ETV6: variants seen among roughly 807,000 people sequenced by gnomAD.
The protein encoded by ETV6 is transcription factor ETV6.
A neutral mutation model predicts 51.1 loss-of-function variants in ETV6; 16 were observed. The observed-to-expected ratio is 0.31, with a 90% confidence interval of 0.21 to 0.48. The LOEUF is 0.48. ETV6 is among the 20% of genes least tolerant of loss of function. The pLI is 0.99. For synonymous variants in ETV6, 240 were observed against 224.1 expected (o/e 1.07, Z -0.64); for missense variants, 458 against 594.8 (o/e 0.77, Z 2.39).
intron 1 of ETV6, among the ~76,000 whole-genome samples, chr12:11,751,113 C>T (rs925299242): frequency 2.0e-5 from 3 of 152,034 alleles, no homozygotes; most frequent in Admixed American, 6.6e-5. Context: ...CAATTCCATT[C>T]GGAAATTATA....
Position 11,895,300 on chromosome 12 carries a change from C to A in ETV6, c.*4254C>A, listed in dbSNP as rs1194785945. ...AATGTAACAAAAAAGAAAAAAAAAA[C>A]AAAAAAAAATGCCTTTTCTCAGGGC... is the stretch of plus-strand genomic sequence containing the variant. On this transcript the variant is annotated 3_prime_UTR_variant, in exon 8 of 8. Transcript: ENST00000396373. 1.2e-3 allele frequency: 226 copies of A among 181,024 alleles called. No individual in the cohort carries two copies. The highest frequency in any genetic ancestry group is 8.5e-4 in the Non-Finnish European group (77 of 90,754). The allele number at this position is 181,024 out of a possible 1,614,324, so 11.2% of individuals were successfully genotyped here. A position where few individuals can be genotyped will look rare whatever the true frequency, so the allele number is the denominator to read the frequency against.
At chr12:11,658,920 C>T (rs960588097) in intron 1 of ETV6, among the ~76,000 whole-genome samples, 1 of 152,220 alleles carries the variant, frequency 6.6e-6, no homozygotes, top group Non-Finnish European at 1.5e-5. Flanking sequence ...TATTACTCAG[C>T]GCTCAAGTAT....
intron 2 of ETV6, among the ~76,000 whole-genome samples, chr12:11,806,010 G>C (rs1945824694): frequency 6.6e-6 from 1 of 152,168 alleles, no homozygotes; most frequent in Non-Finnish European, 1.5e-5. Context: ...TACCTTGTCA[G>C]GTACTTTTTT....
At chr12:11,656,590 A>G (rs1368340342) in intron 1 of ETV6, among the ~76,000 whole-genome samples, 3 of 152,188 alleles carry the variant, frequency 2.0e-5, no homozygotes, top group Non-Finnish European at 4.4e-5. Flanking sequence ...TATTTACCCC[A>G]GTCTCTAATG....
intron 3 of ETV6, among the ~76,000 whole-genome samples, chr12:11,844,759 CAAA>C (rs527793372): frequency 5.6e-5 from 5 of 88,522 alleles, no homozygotes; most frequent in Admixed American, 1.2e-4. Context: ...TTGAGCAAGC[CAAA>C]AAAAAAAAAA....
intron 1 of ETV6, among the ~76,000 whole-genome samples, chr12:11,666,297 A>C (rs1191810815): frequency 6.6e-6 from 1 of 152,002 alleles, no homozygotes; most frequent in Non-Finnish European, 1.5e-5. Context: ...TGTACAGCCC[A>C]TGTTCTCTCC....
intron 2 of ETV6, among the ~76,000 whole-genome samples, chr12:11,781,614 G>A (rs1041118117): frequency 3.9e-5 from 6 of 152,188 alleles, no homozygotes; most frequent in African/African-American, 1.4e-4. Flanking sequence ...GCAACAAAAG[G>A]TTATGTTAGC....
chr12:11,867,376 T>A (rs1021729776), intron 4 of ETV6, among the ~76,000 whole-genome samples: 1 of 152,184 alleles, frequency 6.6e-6, no homozygotes, highest in South Asian at 2.1e-4. Flanking sequence ...TAGTACTCCA[T>A]TTTTTAGAGA....
intron 2 of ETV6, among the ~76,000 whole-genome samples, chr12:11,830,553 G>T (rs947521143): frequency 2.0e-4 from 31 of 152,204 alleles, no homozygotes; most frequent in Non-Finnish European, 5.9e-5. Flanking sequence ...TGAGTGTCCT[G>T]ACCATCAAAG....
intron 2 of ETV6, among the ~76,000 whole-genome samples, chr12:11,815,130 A>G (rs1166497747): frequency 6.6e-6 from 1 of 152,150 alleles, no homozygotes; most frequent in East Asian, 1.9e-4. Flanking sequence ...GGACTTAGTG[A>G]TGTTTTATAG....
chr12:11,783,155 A>C (rs988715317), intron 2 of ETV6, among the ~76,000 whole-genome samples: 1 of 152,180 alleles, frequency 6.6e-6, no homozygotes, highest in African/African-American at 2.4e-5. Flanking sequence ...GATGGGAAGC[A>C]GAAAAGACAA....
At chr12:11,692,762 C>T (rs907196316) in intron 1 of ETV6, among the ~76,000 whole-genome samples, 13 of 152,082 alleles carry the variant, frequency 8.5e-5, no homozygotes, top group African/African-American at 3.1e-4. Flanking sequence ...ATTTAGAATG[C>T]GTTATGAGGC....
chr12:11,891,074 C>CG lies in ETV6; in HGVS notation c.*28_*29insG. ...GAACCAACAGTCCACCTCAGCGGGC[C>CG]AGCAGCCCAGGGAACCCCTGCCCAC... On this transcript the variant is annotated 3_prime_UTR_variant, in exon 8 of 8. Transcript: ENST00000396373. 1 of 1,565,958 alleles carries CG rather than the reference C, an allele frequency of 6.4e-7. No homozygotes were observed. Among genetic ancestry groups the CG allele is most frequent in the Non-Finnish European group, 8.8e-7 (1 of 1,137,230 alleles).
intron 2 of ETV6, among the ~76,000 whole-genome samples, chr12:11,798,051 T>G (rs1044751742): frequency 3.7e-4 from 57 of 152,230 alleles, no homozygotes; most frequent in African/African-American, 1.3e-3. Context: ...CAAGGAAAAC[T>G]TATCAACTAT....
Position 11,774,907 on chromosome 12 carries a change from C to T in ETV6, c.163+22328C>T, listed in dbSNP as rs915893464. ...TTATGCAGCAGAGGGACCGTAGCCC[C>T]GGGGTCAGGCAGGACAAGGGGATCA... On this transcript the variant is annotated intron_variant, in intron 2 of 7. Coordinates refer to ENST00000396373, the MANE Select transcript of ETV6 (RefSeq NM_001987.5). 4.6e-5 allele frequency among the ~76,000 whole-genome samples: 7 copies of T among 152,240 alleles called. No individual in the cohort carries two copies. The East Asian group carries it at 9.6e-4, about 21-fold the overall frequency.
intron 1 of ETV6, among the ~76,000 whole-genome samples, chr12:11,717,868 G>A (rs977318237): frequency 2.6e-5 from 4 of 152,040 alleles, no homozygotes; most frequent in Admixed American, 6.5e-5. Context: ...CCAACTACTC[G>A]CTGCAACAAC....
Position 11,876,085 on chromosome 12 carries a change from T to C in ETV6, c.1009+6116T>C, listed in dbSNP as rs148124770. On this transcript the variant is annotated intron_variant, in intron 5 of 7. Coordinates refer to ENST00000396373, the MANE Select transcript of ETV6 (RefSeq NM_001987.5). ...TGCTCCCAAGGAATTATTTGCACTT[T>C]AGATGACAAGGCATGTTTGAGACAT... 7.5e-3 allele frequency among the ~76,000 whole-genome samples: 1,139 copies of C among 152,302 alleles called. 3 individuals are homozygous for C. Among genetic ancestry groups the C allele is most frequent in the Non-Finnish European group, 0.012 (796 of 68,030 alleles).
intron 5 of ETV6, among the ~76,000 whole-genome samples, chr12:11,871,007 C>T (rs2239172): frequency 0.54 from 82,128 of 151,652 alleles, 23,110 homozygotes; most frequent in Non-Finnish European, 0.63. Context: ...ACTGTGCTTT[C>T]GATAGTGGGA....
intron 2 of ETV6, among the ~76,000 whole-genome samples, chr12:11,826,211 C>T (rs944806485): frequency 3.9e-5 from 6 of 152,154 alleles, no homozygotes; most frequent in African/African-American, 1.2e-4. Flanking sequence ...CCCCATCTTA[C>T]GCTCTGCCCA....
Sources: allele counts gnomAD v4.1 joint callset (sites outside exome capture counted in the v4.1 genomes callset), GRCh38; gene constraint gnomAD v4.1.1; transcripts MANE v1.5; gene names NCBI Gene and HGNC (gene_info 2026-07-23, HGNC 2026-07-21).